Variants in PTPN9 observed in about 807,000 individuals in gnomAD.
The protein encoded by PTPN9 is protein tyrosine phosphatase non-receptor type 9, also known as tyrosine-protein phosphatase non-receptor type 9.
A neutral mutation model predicts 69.8 loss-of-function variants in PTPN9; 26 were observed. That is an observed-to-expected ratio of 0.37 (90% CI 0.27 to 0.52). The LOEUF is 0.52. Ranked by LOEUF, PTPN9 falls within the 20% of genes least tolerant of loss-of-function variation. PTPN9 has a pLI of 0.91. For missense variants in PTPN9, 549 were observed against 740.3 expected, an observed-to-expected ratio of 0.74 and a Z score of 3.00; for synonymous variants, 274 against 272.5, an observed-to-expected ratio of 1.01 and a Z score of -0.05.
chr15:75,485,332 G>T (rs931147651), intron 8 of PTPN9, among the ~76,000 whole-genome samples: 2 of 147,626 alleles, frequency 1.4e-5, no homozygotes, highest in Non-Finnish European at 3.0e-5. Context: ...CTAACTTCAT[G>T]CTTTGAAAAG....
intron 3 of PTPN9, 151 bp from the exon 4 acceptor site, chr15:75,523,396 G>T: frequency 3.5e-6 from 3 of 868,842 alleles, no homozygotes; most frequent in Non-Finnish European, 5.2e-6. Context: ...CCAAAGGGAA[G>T]AGTGTTAATA....
At chr15:75,472,853 CAGG>C (rs965602374) in intron 10 of PTPN9, among the ~76,000 whole-genome samples, 1 of 150,824 alleles carries the variant, frequency 6.6e-6, no homozygotes, top group Non-Finnish European at 1.5e-5. Flanking sequence ...GAGGCTGAGG[CAGG>C]AGAATTGCTT....
chr15:75,502,528 G>A (rs368499992), intron 7 of PTPN9, among the ~76,000 whole-genome samples: 3 of 151,998 alleles, frequency 2.0e-5, no homozygotes, highest in African/African-American at 7.2e-5. Context: ...TTTGTGTGTG[G>A]GTGTGTATAT....
intron 1 of PTPN9, among the ~76,000 whole-genome samples, chr15:75,562,270 G>A (rs1183561625): frequency 1.3e-5 from 2 of 152,132 alleles, no homozygotes; most frequent in Non-Finnish European, 2.9e-5. Flanking sequence ...TCTGTCATAC[G>A]TAAATGTACA....
chr15:75,470,651 A>G, intron 11 of PTPN9, 29 bp downstream of exon 11: 1 of 1,604,354 alleles, frequency 6.2e-7, no homozygotes, highest in Non-Finnish European at 8.5e-7. Context: ...CTGTTTCAAC[A>G]AGGTGAGAAA....
intron 3 of PTPN9, among the ~76,000 whole-genome samples, chr15:75,523,597 A>G (rs989495783): frequency 5.3e-5 from 8 of 152,192 alleles, no homozygotes; most frequent in African/African-American, 1.7e-4. Context: ...CAGGACCATG[A>G]TTTCCACCCT....
In PTPN9 at chr15:75,578,863, C is replaced by T. The variant is rs576774556; in HGVS notation, c.-87G>A. On this transcript the variant is annotated 5_prime_UTR_variant, in exon 1 of 13. Coordinates refer to ENST00000618819, the MANE Select transcript of PTPN9 (RefSeq NM_002833.4). ...CGGCCTCCGCTTCCGCGTCCCCGCG[C>T]CTCAGCAGCCCGGGGCCGGCTCGCG... is the stretch of plus-strand genomic sequence containing the variant. 4.2e-6 allele frequency: 4 copies of T among 948,314 alleles called. No individual in the cohort carries two copies. The highest frequency in any genetic ancestry group is 1.1e-4 in the South Asian group (2 of 18,980). The allele number at this position is 948,314 out of a possible 1,614,324, so 58.7% of individuals were successfully genotyped here.
In PTPN9 at chr15:75,472,881, G is replaced by T. The variant is rs907569523; in HGVS notation, c.1208+808C>A. Among the ~76,000 whole-genome samples, 4 of 151,826 alleles carry T rather than the reference G, an allele frequency of 2.6e-5. No individual in the cohort carries two copies. In the South Asian group the frequency reaches 8.3e-4, roughly 31 times the overall value. On this transcript the variant is annotated intron_variant, in intron 10 of 12. Transcript: ENST00000618819. Reference sequence around the variant, plus strand: ...GAGAATTGCTTGAACCTGGGAGACGGAAGTTACAGTGAGCCAAGATCGTGC... The same window carrying T: ...GAGAATTGCTTGAACCTGGGAGACGTAAGTTACAGTGAGCCAAGATCGTGC...
chr15:75,482,547 A>G (rs1380542778), intron 8 of PTPN9, among the ~76,000 whole-genome samples: 3 of 137,896 alleles, frequency 2.2e-5, no homozygotes, highest in Admixed American at 7.6e-5. Context: ...CCTGGGCGAC[A>G]GAGCGAGACT....
At chr15:75,562,290 G>A (rs2141341408) in intron 1 of PTPN9, among the ~76,000 whole-genome samples, 1 of 152,296 alleles carries the variant, frequency 6.6e-6, no homozygotes, top group South Asian at 2.1e-4. Flanking sequence ...ATTAAACAGT[G>A]ACATCTTGGA....
intron 1 of PTPN9, among the ~76,000 whole-genome samples, chr15:75,529,631 C>T (rs767192568): frequency 5.6e-4 from 85 of 152,052 alleles, no homozygotes; most frequent in Non-Finnish European, 8.2e-4. Flanking sequence ...AAGGGAGGAC[C>T]GGGCACGGTG....
chr15:75,557,683 G>A (rs771102701), intron 1 of PTPN9, among the ~76,000 whole-genome samples: 2 of 152,142 alleles, frequency 1.3e-5, no homozygotes, highest in Admixed American at 6.6e-5. Flanking sequence ...ATCCTGGTAG[G>A]TAGGGCTTAG....
chr15:75,542,362 C>T (rs1236051507), intron 1 of PTPN9, among the ~76,000 whole-genome samples: 1 of 152,104 alleles, frequency 6.6e-6, no homozygotes, highest in Non-Finnish European at 1.5e-5. Flanking sequence ...GGCCTAACAC[C>T]CATCTGCCTA....
chr15:75,510,294 G>A (rs1225399482), intron 5 of PTPN9, among the ~76,000 whole-genome samples: 4 of 152,146 alleles, frequency 2.6e-5, no homozygotes, highest in Non-Finnish European at 5.9e-5. Context: ...TGCCCAGGCT[G>A]GAGTGCAGTG....
intron 1 of PTPN9, among the ~76,000 whole-genome samples, chr15:75,569,943 C>T (rs1431909925): frequency 1.3e-5 from 2 of 151,910 alleles, no homozygotes; most frequent in South Asian, 2.1e-4. Flanking sequence ...GCCTCAGCCT[C>T]CCGAGTAGCT....
At chr15:75,537,881 A>C (rs1292240405) in intron 1 of PTPN9, among the ~76,000 whole-genome samples, 1 of 151,612 alleles carries the variant, frequency 6.6e-6, no homozygotes, top group Non-Finnish European at 1.5e-5. Flanking sequence ...CAACATAGTG[A>C]AACCCTGTCT....
At chr15:75,506,230 C>G (rs748708815) in intron 6 of PTPN9, among the ~76,000 whole-genome samples, 1 of 152,106 alleles carries the variant, frequency 6.6e-6, no homozygotes, top group Non-Finnish European at 1.5e-5. Context: ...AAAATTCACT[C>G]CTGGAATTAG....
intron 1 of PTPN9, 49 bp downstream of exon 1, chr15:75,578,665 G>T: frequency 7.7e-7 from 1 of 1,303,624 alleles, no homozygotes; most frequent in Non-Finnish European, 9.8e-7. Context: ...GCCGGCGTAG[G>T]CCTCGGGGGC....
At chr15:75,476,417 C>T (rs769047726) in intron 9 of PTPN9, among the ~76,000 whole-genome samples, 2 of 152,094 alleles carry the variant, frequency 1.3e-5, no homozygotes, top group African/African-American at 2.4e-5. Context: ...CGCGTTCAAG[C>T]GATTCTCCTA....
Sources: allele counts gnomAD v4.1 joint callset (sites outside exome capture counted in the v4.1 genomes callset), GRCh38; gene constraint gnomAD v4.1.1; transcripts MANE v1.5; gene names NCBI Gene and HGNC (gene_info 2026-07-23, HGNC 2026-07-21).